ANXA4: variants seen among roughly 807,000 people sequenced by gnomAD.
ANXA4 encodes annexin A4.
In ANXA4, 39 loss-of-function variants were observed where a neutral mutation model predicts 49.8. The observed-to-expected ratio is 0.78, with a 90% CI of 0.61 to 1.02. ANXA4 has a LOEUF of 1.02. Ranked by LOEUF, ANXA4 falls within the 50% of genes least tolerant of loss-of-function variation. The pLI is 0.00. For synonymous variants in ANXA4, 134 were observed against 152.5 expected, an observed-to-expected ratio of 0.88 and a Z score of 0.89; for missense variants, 360 against 410.1, an observed-to-expected ratio of 0.88 and a Z score of 1.05.
chr2:69,809,784 C>T, intron 6 of ANXA4: 1 of 152,218 alleles, frequency 6.6e-6, no homozygotes, highest in Non-Finnish European at 1.5e-5. Flanking sequence ...GGCCGTGGAG[C>T]TTCTCATGGA....
chr2:69,784,735 TTGACACCTGTGCAGAAGCCTTCTGGG>T lies in ANXA4; in HGVS notation c.9+3162_9+3187del, dbSNP rs1672343572. Among the ~76,000 whole-genome samples, 3 of 152,330 alleles carry T rather than the reference TTGACACCTGTGCAGAAGCCTTCTGGG, an allele frequency of 2.0e-5. No individual in the cohort carries two copies. In the South Asian group the frequency reaches 6.2e-4, roughly 32 times the overall value. The stretch of plus-strand genomic sequence containing the variant: ...AGGTGTCAGCAGAGCCATGCTCCCT[TTGACACCTGTGCAGAAGCCTTCTGGG>T]CCTCTTCCTAGCTTCTGGGGGTTTG... On this transcript the variant is annotated intron_variant, in intron 2 of 12. Transcript: ENST00000394295.
intron 9 of ANXA4, chr2:69,816,418 A>G (rs1673997041): frequency 2.4e-6 from 1 of 417,348 alleles, no homozygotes; most frequent in African/African-American, 2.0e-5. Flanking sequence ...ATGTAGTCAT[A>G]GAAGTTTGGC....
intron 2 of ANXA4, among the ~76,000 whole-genome samples, chr2:69,706,654 TGAG>T (rs1678509811): frequency 6.6e-6 from 1 of 152,148 alleles, no homozygotes; most frequent in Non-Finnish European, 1.5e-5. Context: ...CTCACTGGGT[TGAG>T]GAGTTTTTTT....
At chr2:69,730,068 G>C (rs189939512) in intron 3 of ANXA4, among the ~76,000 whole-genome samples, 1 of 152,196 alleles carries the variant, frequency 6.6e-6, no homozygotes, top group Non-Finnish European at 1.5e-5. Flanking sequence ...GGCCAGGCAC[G>C]ATGGCACACA....
chr2:69,744,094 A>G (rs545343055), intron 1 of ANXA4, among the ~76,000 whole-genome samples: 2 of 152,288 alleles, frequency 1.3e-5, no homozygotes, highest in African/African-American at 4.8e-5. Context: ...AAGTTCCAGA[A>G]TAAACAAGGG....
intron 1 of ANXA4, among the ~76,000 whole-genome samples, chr2:69,646,855 A>G (rs950829548): frequency 2.6e-5 from 4 of 152,178 alleles, no homozygotes; most frequent in Non-Finnish European, 5.9e-5. Context: ...CTGTTCCACA[A>G]ACCATAACTA....
At chr2:69,730,958 C>G (rs1442296388) in intron 3 of ANXA4, among the ~76,000 whole-genome samples, 1 of 152,130 alleles carries the variant, frequency 6.6e-6, no homozygotes, top group Non-Finnish European at 1.5e-5. Flanking sequence ...ATGTCTCCAC[C>G]AACAGTTCCC....
chr2:69,781,278 G>A (rs1054058857), intron 1 of ANXA4: 7 of 555,618 alleles, frequency 1.3e-5, no homozygotes, highest in African/African-American at 1.1e-4. Flanking sequence ...TCTGTAGTGT[G>A]TATCTCCAAA....
In ANXA4 at chr2:69,770,930, T is replaced by TA. The variant is rs34710767; in HGVS notation, c.-46-10576dup. Among the ~76,000 whole-genome samples the TA allele has an allele frequency of 3.9e-3, 552 of 141,586 alleles. 3 individuals are homozygous for TA. The highest frequency in any genetic ancestry group is 0.012 in the African/African-American group (466 of 38,400). 92.9% of individuals were successfully genotyped at this position (141,586 alleles called of 152,430 possible). A position where few individuals can be genotyped will look rare whatever the true frequency, so the allele number is the denominator to read the frequency against. ...GCAGCGAGGCCTTGTCTAGAAAATT[T>TA]AAAAAAAAAAAAAATTAGCTGGGCG... On this transcript the variant is annotated intron_variant, in intron 1 of 12. Transcript: ENST00000394295.
chr2:69,820,600 G>T (rs765135401), intron 11 of ANXA4, 99 bp from the exon 12 acceptor site: 2 of 1,432,868 alleles, frequency 1.4e-6, no homozygotes. Context: ...AAAGGACATC[G>T]TCAGCACAGT....
chr2:69,778,569 A>G (rs1429247008), intron 1 of ANXA4, among the ~76,000 whole-genome samples: 1 of 152,158 alleles, frequency 6.6e-6, no homozygotes, highest in Non-Finnish European at 1.5e-5. Flanking sequence ...TGACGTCGGG[A>G]GTTCGAGACC....
At chr2:69,813,829 C>T (rs1374787027) in intron 8 of ANXA4, among the ~76,000 whole-genome samples, 2 of 148,526 alleles carry the variant, frequency 1.3e-5, no homozygotes, top group East Asian at 3.9e-4. Flanking sequence ...GTGATCTCAG[C>T]TCACCGCAAC....
At chr2:69,772,787 G>A (rs972290569) in intron 1 of ANXA4, among the ~76,000 whole-genome samples, 1 of 152,148 alleles carries the variant, frequency 6.6e-6, no homozygotes, top group Non-Finnish European at 1.5e-5. Flanking sequence ...GGGAGGCCGA[G>A]GCGGGCAGAT....
chr2:69,764,188 C>T (rs1573215372), intron 1 of ANXA4, among the ~76,000 whole-genome samples: 1 of 152,068 alleles, frequency 6.6e-6, no homozygotes, highest in African/African-American at 2.4e-5. Context: ...TTGTGATGAA[C>T]GTCTTGGGGT....
chr2:69,742,556 AG>A (rs1320773667), intron 1 of ANXA4, among the ~76,000 whole-genome samples: 3 of 152,166 alleles, frequency 2.0e-5, no homozygotes, highest in Non-Finnish European at 4.4e-5. Context: ...CACCTCTTAC[AG>A]TTTACTTTTT....
chr2:69,772,912 G>C (rs2105564994), intron 1 of ANXA4, among the ~76,000 whole-genome samples: 1 of 152,144 alleles, frequency 6.6e-6, no homozygotes, highest in East Asian at 1.9e-4. Flanking sequence ...AGCTACTTGG[G>C]AGGCTGAGGC....
chr2:69,743,108 T>A (rs1314409653), intron 1 of ANXA4, among the ~76,000 whole-genome samples: 2 of 151,984 alleles, frequency 1.3e-5, no homozygotes, highest in Non-Finnish European at 2.9e-5. Flanking sequence ...CAGGCTCAGG[T>A]GTTTCACCCA....
intron 3 of ANXA4, among the ~76,000 whole-genome samples, chr2:69,792,963 T>A (rs1672757184): frequency 6.6e-6 from 1 of 152,152 alleles, no homozygotes; most frequent in African/African-American, 2.4e-5. Flanking sequence ...AATAAAGAAG[T>A]AGTTTTATGG....
intron 2 of ANXA4, among the ~76,000 whole-genome samples, chr2:69,656,286 T>C (rs1013688742): frequency 7.7e-5 from 9 of 116,894 alleles, no homozygotes; most frequent in East Asian, 4.2e-4. Context: ...CGTATATATA[T>C]ACATATATGT....
Sources: allele counts gnomAD v4.1 joint callset (sites outside exome capture counted in the v4.1 genomes callset), GRCh38; gene constraint gnomAD v4.1.1; transcripts MANE v1.5; gene names NCBI Gene and HGNC (gene_info 2026-07-23, HGNC 2026-07-21).